Variants in STAT4 observed in about 807,000 individuals in gnomAD.
The protein encoded by STAT4 is signal transducer and activator of transcription 4.
A neutral mutation model predicts 110.5 loss-of-function variants in STAT4; 42 were observed. The observed-to-expected ratio is 0.38, with a 90% CI of 0.30 to 0.49. The LOEUF is 0.49. Ranked by LOEUF, STAT4 falls within the 20% of genes least tolerant of loss-of-function variation. The pLI, the probability that STAT4 is intolerant of heterozygous loss-of-function variation, is 0.95. For missense variants in STAT4, 632 were observed against 887.9 expected, an observed-to-expected ratio of 0.71 and a Z score of 3.66; for synonymous variants, 284 against 302.2, an observed-to-expected ratio of 0.94 and a Z score of 0.63.
chr2:191,040,884 T>C (rs1250006528), intron 15 of STAT4, among the ~76,000 whole-genome samples, 181 bp downstream of exon 15: 1 of 152,238 alleles, frequency 6.6e-6, no homozygotes, highest in Admixed American at 6.5e-5. Context: ...TTTTATCATA[T>C]ATATTTAACC....
intron 3 of STAT4, among the ~76,000 whole-genome samples, chr2:191,102,801 T>C (rs1698179413): frequency 1.3e-5 from 2 of 152,200 alleles, no homozygotes; most frequent in South Asian, 4.1e-4. Context: ...AAAATATACT[T>C]TCAGTTGTCA....
rs1277924890 is a variant in STAT4 at position 191,099,040 on chromosome 2, C to G, written c.274-22715G>C. On this transcript the variant is annotated intron_variant, in intron 3 of 23. Coordinates refer to ENST00000392320, the MANE Select transcript of STAT4 (RefSeq NM_003151.4). The surrounding 1 kb of genome is among the most constrained non-coding windows in gnomAD (Gnocchi z 4.1). ...GCCCTTTGAAATTGATTTAAAATGC[C>G]TGATAGAAGGAAGTGAATGGGAAAT... Among the ~76,000 whole-genome samples the G allele has an allele frequency of 1.3e-5, 2 of 151,288 alleles. No homozygotes were observed. Among genetic ancestry groups the G allele is most frequent in the African/African-American group, 4.9e-5 (2 of 41,230 alleles).
intron 3 of STAT4, among the ~76,000 whole-genome samples, chr2:191,094,031 T>G (rs1307588511): frequency 6.6e-6 from 1 of 151,690 alleles, no homozygotes; most frequent in South Asian, 2.1e-4. Flanking sequence ...AGAAGAGAAG[T>G]TTAGAGAAAA....
chr2:191,148,032 G>C (rs1353807005), intron 2 of STAT4, 44 bp downstream of exon 2: 2 of 1,611,698 alleles, frequency 1.2e-6, no homozygotes, highest in African/African-American at 2.7e-5. Context: ...TAGAGCATCA[G>C]ACATTTGTGC....
Position 191,058,294 on chromosome 2 carries a change from T to A in STAT4, c.1095-75A>T. 4 of 1,311,556 alleles carry A rather than the reference T, an allele frequency of 3.0e-6. No homozygotes were observed. Among genetic ancestry groups the A allele is most frequent in the South Asian group, 1.3e-5 (1 of 74,108 alleles). 81.2% of individuals were successfully genotyped at this position (1,311,556 alleles called of 1,614,324 possible). On this transcript the variant is annotated intron_variant, in intron 11 of 23. Coordinates refer to ENST00000392320, the MANE Select transcript of STAT4 (RefSeq NM_003151.4). The surrounding 1 kb of genome is among the most constrained non-coding windows in gnomAD (Gnocchi z 4.3). ...AATAACTTTCTATGATAGTTTATTT[T>A]ATTTATTTATTTATTTATTTTGAGA... is the stretch of plus-strand genomic sequence containing the variant.
rs763858532 is a variant in STAT4 at position 191,041,114 on chromosome 2, A to G, written c.1286T>C (p.Ile429Thr). 6.7e-7 allele frequency: 1 copy of G among 1,492,592 alleles called. No individual in the cohort carries two copies. The highest frequency in any genetic ancestry group is 9.0e-7 in the Non-Finnish European group (1 of 1,116,222). The allele number at this position is 1,492,592 out of a possible 1,614,324, so 92.5% of individuals were successfully genotyped here. Residue 429 changes from isoleucine (I) to threonine (T), a missense_variant, in exon 15 of 24, where the codon ATA (isoleucine) becomes ACA (threonine). Coordinates refer to ENST00000392320, the MANE Select transcript of STAT4 (RefSeq NM_003151.4). ...GAGGCAGATCTGTGTTTCAAACGTT[A>G]TGGAATGAAGTTCTTCAGTCACCAT... ...CHMVTEELHS[I>T]TFETQICLYG...
At chr2:191,057,776 T>A (rs1292043479) in intron 13 of STAT4, among the ~76,000 whole-genome samples, 1 of 151,904 alleles carries the variant, frequency 6.6e-6, no homozygotes, top group East Asian at 1.9e-4. Flanking sequence ...TTTTTTGTAT[T>A]TTTAGTATAG....
rs894814244 is a variant in STAT4 at position 191,086,773 on chromosome 2, T to C, written c.274-10448A>G. On this transcript the variant is annotated intron_variant, in intron 3 of 23. Transcript: ENST00000392320. This position sits in a 1 kb window ranked among gnomAD's most constrained non-coding sequence, Gnocchi z 5.5. Reference sequence around the variant, plus strand: ...TCCCATGTTTCTGACTTGAAATTGCTAGAAATTAGAACTGCTTTTCTTAAA... The same window carrying C: ...TCCCATGTTTCTGACTTGAAATTGCCAGAAATTAGAACTGCTTTTCTTAAA... Among the ~76,000 whole-genome samples the C allele has an allele frequency of 6.6e-6, 1 of 152,186 alleles. No homozygotes were observed. The highest frequency in any genetic ancestry group is 1.5e-5 in the Non-Finnish European group (1 of 68,016).
chr2:191,055,950 T>C (rs1037181923), intron 13 of STAT4, among the ~76,000 whole-genome samples: 4 of 152,144 alleles, frequency 2.6e-5, no homozygotes, highest in African/African-American at 9.7e-5. Flanking sequence ...GAATTGAGCC[T>C]AACAAAAAAG....
Position 191,054,456 on chromosome 2 carries a change from C to T in STAT4, c.1251+34G>A, listed in dbSNP as rs1696617474. ...AAATAAGATATTATAAGATCTGTTT[C>T]CAGAAAAATTCTATAGGAGAAAACA... On this transcript the variant is annotated intron_variant, in intron 14 of 23. Transcript: ENST00000392320. 2.5e-6 allele frequency: 4 copies of T among 1,571,414 alleles called. No individual in the cohort carries two copies. In the East Asian group the frequency reaches 6.8e-5, roughly 27 times the overall value.
intron 3 of STAT4, among the ~76,000 whole-genome samples, chr2:191,079,992 T>C (rs114093977): frequency 2.1e-3 from 324 of 152,274 alleles, no homozygotes; most frequent in African/African-American, 7.6e-3. Context: ...CTTGCTGATT[T>C]TTCTTTGCCT....
At chr2:191,151,423 C>T, upstream of STAT4, 1 of 985,630 alleles carries the variant, frequency 1.0e-6, no homozygotes, top group Non-Finnish European at 1.2e-6. This position sits in a 1 kb window ranked among gnomAD's most constrained non-coding sequence, Gnocchi z 4.7. Context: ...GGATGGGTAG[C>T]CAGGATCAAA....
intron 14 of STAT4, among the ~76,000 whole-genome samples, chr2:191,048,289 G>T (rs1293615110): frequency 6.6e-6 from 1 of 152,184 alleles, no homozygotes; most frequent in East Asian, 1.9e-4. Context: ...ACAAAATCCA[G>T]CAAGGAAGCT....
rs901794885 is a variant in STAT4 at position 191,066,635 on chromosome 2, G to C, written c.545-120C>G. 13 of 801,436 alleles carry C rather than the reference G, an allele frequency of 1.6e-5. No individual in the cohort carries two copies. In the South Asian group the frequency reaches 2.3e-4, roughly 14 times the overall value. 49.6% of individuals were successfully genotyped at this position (801,436 alleles called of 1,614,324 possible). The stretch of plus-strand genomic sequence containing the variant: ...AACTTATGTGGTAAGAGACTAATTG[G>C]GTTCACTAGAGGTGAGCTTGGAAGT... On this transcript the variant is annotated intron_variant, in intron 6 of 23. Coordinates refer to ENST00000392320, the MANE Select transcript of STAT4 (RefSeq NM_003151.4). The surrounding 1 kb of genome is among the most constrained non-coding windows in gnomAD (Gnocchi z 4.3).
At chr2:191,133,042 C>G (rs1010268666) in intron 3 of STAT4, among the ~76,000 whole-genome samples, 3 of 151,358 alleles carry the variant, frequency 2.0e-5, no homozygotes, top group African/African-American at 7.3e-5. Flanking sequence ...GCGTGGGCCA[C>G]TGCGCCTGGC....
In STAT4 at chr2:191,039,731, T is replaced by G. The variant is rs761899377; in HGVS notation, c.1336-434A>C. ...ATTATGACCTAACACCTAATTAACA[T>G]AAACACTGGAAGTGGGAGGTTTCTA... On this transcript the variant is annotated intron_variant, in intron 15 of 23. Transcript: ENST00000392320. The surrounding 1 kb of genome is among the most constrained non-coding windows in gnomAD (Gnocchi z 4.7). 2.0e-5 allele frequency among the ~76,000 whole-genome samples: 3 copies of G among 152,212 alleles called. No homozygotes were observed. Among genetic ancestry groups the G allele is most frequent in the Non-Finnish European group, 4.4e-5 (3 of 68,040 alleles).
chr2:191,076,377 G>T, intron 3 of STAT4, 52 bp from the exon 4 acceptor site: 1 of 1,306,116 alleles, frequency 7.7e-7, no homozygotes, highest in Non-Finnish European at 1.1e-6. Context: ...TTAAATATAT[G>T]TATCATAAGA....
In STAT4 at chr2:191,043,179, A is replaced by G. The variant is rs530589242; in HGVS notation, c.1252-2031T>C. Among the ~76,000 whole-genome samples the G allele has an allele frequency of 5.4e-4, 83 of 152,370 alleles. 1 individual carries two copies. The South Asian group carries it at 0.017, about 31-fold the overall frequency. ...ATCAGTGTAACAAGAATAGAATATT[A>G]TTGTAAGAAACATTCTGAAAATAAT... On this transcript the variant is annotated intron_variant, in intron 14 of 23. Transcript: ENST00000392320. This position sits in a 1 kb window ranked among gnomAD's most constrained non-coding sequence, Gnocchi z 4.8.
rs1156293801 is a variant in STAT4, at chr2:191,082,862, C to T, written c.274-6537G>A. On this transcript the variant is annotated intron_variant, in intron 3 of 23. Transcript: ENST00000392320. The surrounding 1 kb of genome is among the most constrained non-coding windows in gnomAD (Gnocchi z 4.7). ...AAACTTCACAATTAGGAATTCACTCCTCTGAGTTCTTTTCCCAGTGGCCCT... is the reference window on the plus strand; with the variant it reads ...AAACTTCACAATTAGGAATTCACTCTTCTGAGTTCTTTTCCCAGTGGCCCT... Among the ~76,000 whole-genome samples the T allele has an allele frequency of 2.0e-5, 3 of 152,174 alleles. No individual in the cohort carries two copies. Among genetic ancestry groups the T allele is most frequent in the Non-Finnish European group, 4.4e-5 (3 of 68,034 alleles).
Sources: allele counts gnomAD v4.1 joint callset (sites outside exome capture counted in the v4.1 genomes callset), GRCh38; gene constraint gnomAD v4.1.1; non-coding constraint Gnocchi (gnomAD v3.1); transcripts MANE v1.5; gene names NCBI Gene and HGNC (gene_info 2026-07-23, HGNC 2026-07-21).